The following CPED1 variants were observed in gnomAD, a reference collection of about 807,000 sequenced individuals.
CPED1 encodes cadherin-like and PC-esterase domain-containing protein 1.
CPED1 carries 114 observed loss-of-function variants against 128.2 expected under a neutral mutation model. The ratio of observed to expected loss-of-function variants is 0.89; its 90% CI spans 0.76 to 1.04. The LOEUF (loss-of-function observed/expected upper bound fraction) is 1.04. Among genes scored for constraint, CPED1 ranks in the 50% least tolerant of loss-of-function variants. The pLI, the probability that CPED1 is intolerant of heterozygous loss-of-function variation, is 0.00. For missense variants in CPED1, 1,211 were observed against 1,207.1 expected, an observed-to-expected ratio of 1.00 and a Z score of -0.05; for synonymous variants, 462 against 426.7, an observed-to-expected ratio of 1.08 and a Z score of -1.02.
intron 16 of CPED1, among the ~76,000 whole-genome samples, chr7:121,168,606 TTTAAG>T (rs1466154117): frequency 3.9e-5 from 6 of 152,212 alleles, no homozygotes; most frequent in African/African-American, 1.4e-4. Context: ...AATTACGCTC[TTTAAG>T]TTATTTTAAA....
At chr7:121,046,861 T>G in intron 3 of CPED1, 26 bp from the exon 4 acceptor site, 1 of 1,435,166 alleles carries the variant, frequency 7.0e-7, no homozygotes, top group South Asian at 1.3e-5. Flanking sequence ...AAAACTTATT[T>G]GTTTTGAATA....
intron 3 of CPED1, among the ~76,000 whole-genome samples, chr7:121,029,925 A>G (rs1792687743): frequency 6.6e-6 from 1 of 152,150 alleles, no homozygotes; most frequent in African/African-American, 2.4e-5. Flanking sequence ...AGTGCTTTGA[A>G]AGATACAGTG....
At chr7:121,016,144 T>C (rs928734315) in intron 3 of CPED1, among the ~76,000 whole-genome samples, 1 of 152,186 alleles carries the variant, frequency 6.6e-6, no homozygotes, top group Non-Finnish European at 1.5e-5. Context: ...ACTGAATACA[T>C]GTTCTGCCCC....
chr7:121,291,394 A>G (rs1282265505), intron 22 of CPED1, among the ~76,000 whole-genome samples: 1 of 152,226 alleles, frequency 6.6e-6, no homozygotes, highest in African/African-American at 2.4e-5. Context: ...TTTGGGCAAT[A>G]TGGCCATTTT....
At chr7:121,047,653 T>TTCCTCTTCCTCTTCCTCTTCCTCTTCC (rs1563004741) in intron 4 of CPED1, among the ~76,000 whole-genome samples, 2 of 5,064 alleles carry the variant, frequency 3.9e-4, no homozygotes, top group Non-Finnish European at 8.1e-4. Flanking sequence ...ACCTTTCTTC[T>TTCCTCTTCCTCTTCCTCTTCCTCTTCC]TCTTCTTCTT....
chr7:121,059,328 T>A (rs903246656), intron 4 of CPED1, among the ~76,000 whole-genome samples: 1 of 152,192 alleles, frequency 6.6e-6, no homozygotes, highest in Admixed American at 6.5e-5. Flanking sequence ...ACTTGAGACA[T>A]GGGGAGAAAA....
intron 3 of CPED1, among the ~76,000 whole-genome samples, chr7:121,022,222 A>T (rs1253583280): frequency 2.0e-5 from 3 of 152,042 alleles, no homozygotes; most frequent in Non-Finnish European, 2.9e-5. Flanking sequence ...CAGCAAATTC[A>T]CTCAGGAAAC....
intron 21 of CPED1, among the ~76,000 whole-genome samples, chr7:121,270,725 T>C (rs541960872): frequency 5.5e-4 from 83 of 152,236 alleles, no homozygotes; most frequent in African/African-American, 1.9e-3. Flanking sequence ...TTCTCCTTCA[T>C]TGGTCTATGT....
intron 3 of CPED1, among the ~76,000 whole-genome samples, chr7:121,026,931 A>C (rs1005310025): frequency 6.7e-6 from 1 of 148,396 alleles, no homozygotes; most frequent in Non-Finnish European, 1.5e-5. Flanking sequence ...CCTGGCCTCA[A>C]TGGATCCTCC....
intron 22 of CPED1, among the ~76,000 whole-genome samples, chr7:121,277,153 T>G (rs1792346321): frequency 6.6e-6 from 1 of 152,064 alleles, no homozygotes; most frequent in Admixed American, 6.6e-5. Flanking sequence ...ATCTTATTTG[T>G]GGCATGCAGG....
intron 7 of CPED1, among the ~76,000 whole-genome samples, chr7:121,104,655 A>G (rs1238029865): frequency 6.6e-6 from 1 of 152,152 alleles, no homozygotes; most frequent in Non-Finnish European, 1.5e-5. Flanking sequence ...GCCATCCCAT[A>G]TTTGAAGATG....
intron 5 of CPED1, among the ~76,000 whole-genome samples, chr7:121,074,513 T>TTTTTTG (rs763407805): frequency 0.033 from 4,590 of 139,586 alleles, 419 homozygotes; most frequent in African/African-American, 0.12. Flanking sequence ...CTTTGTGTTT[T>TTTTTTG]TTTTTTTTTT....
At chr7:121,266,124 A>C in intron 18 of CPED1, 103 bp from the exon 19 acceptor site, 1 of 807,432 alleles carries the variant, frequency 1.2e-6, no homozygotes. Flanking sequence ...TCCTTCAAAC[A>C]GTTAGGTAGT....
Position 121,025,629 on chromosome 7 carries a change from C to G in CPED1, c.433+9781C>G, listed in dbSNP as rs77476108. 4.4e-3 allele frequency among the ~76,000 whole-genome samples: 666 copies of G among 152,206 alleles called. 5 individuals are homozygous for G. Among genetic ancestry groups the G allele is most frequent in the African/African-American group, 0.015 (627 of 41,524 alleles). On this transcript the variant is annotated intron_variant, in intron 3 of 22. Transcript: ENST00000310396. ...TCTTCCAAACCCTTTTCCCTCTTAA[C>G]CTCCTGAATGATGCCTTAACCTGCA...
At chr7:121,154,001 G>A (rs926569135) in intron 16 of CPED1, among the ~76,000 whole-genome samples, 1 of 152,086 alleles carries the variant, frequency 6.6e-6, no homozygotes, top group Non-Finnish European at 1.5e-5. Context: ...GTATCAAAAT[G>A]TACCAAACCC....
chr7:121,017,241 A>G (rs1792326196), intron 3 of CPED1, among the ~76,000 whole-genome samples: 1 of 152,156 alleles, frequency 6.6e-6, no homozygotes, highest in Admixed American at 6.6e-5. Context: ...GTGGAAATCT[A>G]AAGCACTGAG....
chr7:121,286,712 C>A (rs1393486140), intron 22 of CPED1, among the ~76,000 whole-genome samples: 1 of 152,072 alleles, frequency 6.6e-6, no homozygotes, highest in Non-Finnish European at 1.5e-5. Context: ...TGACATGAGT[C>A]CCCAAAGAGC....
At chr7:121,092,983 G>C (rs1054445015) in intron 5 of CPED1, among the ~76,000 whole-genome samples, 6 of 152,144 alleles carry the variant, frequency 3.9e-5, no homozygotes, top group Non-Finnish European at 7.4e-5. Flanking sequence ...CTTGCTGCTA[G>C]ACTTTTTCAT....
chr7:121,027,606 A>G (rs2116849079), intron 3 of CPED1, among the ~76,000 whole-genome samples: 1 of 152,158 alleles, frequency 6.6e-6, no homozygotes, highest in South Asian at 2.1e-4. Context: ...TCTCAGCTCA[A>G]CCAACTGAGG....
Sources: gnomAD v4.1 joint callset for allele counts (sites outside exome capture counted in the v4.1 genomes callset) on GRCh38, gnomAD v4.1.1 for gene constraint, MANE v1.5 for transcripts, NCBI Gene and HGNC (gene_info 2026-07-23, HGNC 2026-07-21) for gene names.